Variants in ASB3 observed in about 807,000 individuals in gnomAD.
ASB3 encodes the protein ankyrin repeat and SOCS box containing 3, also known as ankyrin repeat and SOCS box protein 3.
A neutral mutation model predicts 54.5 loss-of-function variants in ASB3; 41 were observed. The ratio of observed to expected loss-of-function variants is 0.75; its 90% confidence interval spans 0.59 to 0.98. The LOEUF is 0.98. Ranked by LOEUF, ASB3 falls within the 50% of genes least tolerant of loss-of-function variation. The pLI, the probability that ASB3 is intolerant of heterozygous loss-of-function variation, is 0.00. For missense variants in ASB3, 733 were observed against 620.0 expected, an observed-to-expected ratio of 1.18 and a Z score of -1.94; for synonymous variants, 266 against 221.2, an observed-to-expected ratio of 1.20 and a Z score of -1.80.
rs541601260 is a variant in ASB3 at position 53,785,891 on chromosome 2, A to T, written c.-14+930T>A. ...CCCAGGAGTCTGGATCACATTAAGC[A>T]TTAATAAGAAGTGCTGAATATAATT... On this transcript the variant is annotated intron_variant, in intron 1 of 9. Transcript: ENST00000263634. 4.8e-4 allele frequency among the ~76,000 whole-genome samples: 73 copies of T among 152,372 alleles called. 1 individual carries two copies. The highest frequency in any genetic ancestry group is 1.6e-3 in the African/African-American group (66 of 41,590).
chr2:53,732,366 T>G (rs1245416723), intron 3 of ASB3, among the ~76,000 whole-genome samples: 2 of 152,084 alleles, frequency 1.3e-5, no homozygotes, highest in African/African-American at 4.8e-5. Flanking sequence ...TAGTAATAAT[T>G]TTGGGTGGAG....
At chr2:53,727,541 G>A (rs750296648) in intron 5 of ASB3, among the ~76,000 whole-genome samples, 3 of 152,064 alleles carry the variant, frequency 2.0e-5, no homozygotes, top group Admixed American at 1.3e-4. Context: ...TAGGCTAAAG[G>A]GGCAAAATCG....
rs909622020 is a variant in ASB3, at chr2:53,714,469, A to C, written c.895T>G (p.Leu299Val). Residue 299 changes from leucine (L) to valine (V), a missense_variant, in exon 7 of 10, where the codon TTA (leucine) becomes GTA (valine). Coordinates refer to ENST00000263634, the MANE Select transcript of ASB3 (RefSeq NM_016115.5). ...TCTGGGCTGTAGCCATTCCGGAGTA[A>C]TATTTCTAGGCAATCTTCATGTCCC... ...FGGHEDCLEI[L>V]LRNGYSPDAQ... The C allele has an allele frequency of 1.2e-6, 2 of 1,614,246 alleles. No individual in the cohort carries two copies. The highest frequency in any genetic ancestry group is 4.5e-5 in the East Asian group (2 of 44,890).
intron 9 of ASB3, among the ~76,000 whole-genome samples, chr2:53,682,645 T>C (rs1369406672): frequency 6.6e-6 from 1 of 151,892 alleles, no homozygotes; most frequent in Non-Finnish European, 1.5e-5. Flanking sequence ...CCCGGCTAAT[T>C]TTTGTATTTT....
At chr2:53,774,186 A>T in intron 1 of ASB3, 1 of 1,612,782 alleles carries the variant, frequency 6.2e-7, no homozygotes, top group Non-Finnish European at 8.5e-7. Flanking sequence ...TAGGAAAGGA[A>T]GAAGAAGTAA....
At chr2:53,766,949 G>C (rs1167045219) in intron 1 of ASB3, among the ~76,000 whole-genome samples, 1 of 152,112 alleles carries the variant, frequency 6.6e-6, no homozygotes, top group Non-Finnish European at 1.5e-5. Context: ...TTCACACACA[G>C]AGACACAGCC....
chr2:53,773,239 C>T (rs1211606518), intron 1 of ASB3, among the ~76,000 whole-genome samples: 1 of 151,484 alleles, frequency 6.6e-6, no homozygotes, highest in Non-Finnish European at 1.5e-5. Flanking sequence ...GTGAAAGGCT[C>T]ATATTTTTCA....
chr2:53,761,022 A>G (rs1209091477), intron 2 of ASB3, among the ~76,000 whole-genome samples: 4 of 152,280 alleles, frequency 2.6e-5, no homozygotes, highest in South Asian at 4.1e-4. Context: ...CTATGCCCCA[A>G]TACAGCAGGA....
intron 3 of ASB3, 71 bp downstream of exon 3, chr2:53,750,712 A>C: frequency 7.2e-7 from 1 of 1,398,460 alleles, no homozygotes; most frequent in Non-Finnish European, 9.4e-7. Context: ...CTGAAGGAAA[A>C]ATTAAGCTTA....
intron 7 of ASB3, among the ~76,000 whole-genome samples, chr2:53,708,971 A>T (rs188043212): frequency 9.8e-5 from 15 of 152,316 alleles, no homozygotes; most frequent in Non-Finnish European, 1.5e-4. Context: ...AGCCTGGCAA[A>T]TGGTAGAAAA....
rs1667747796 is a variant in ASB3 at position 53,670,318 on chromosome 2, T to TAC, written c.*183_*184dup. 1 of 273,186 alleles carries TAC rather than the reference T, an allele frequency of 3.7e-6. No homozygotes were observed. The highest frequency in any genetic ancestry group is 6.5e-6 in the Non-Finnish European group (1 of 153,544). The allele number at this position is 273,186 out of a possible 1,614,324, so 16.9% of individuals were successfully genotyped here. A position where few individuals can be genotyped will look rare whatever the true frequency, so the allele number is the denominator to read the frequency against. On this transcript the variant is annotated 3_prime_UTR_variant, in exon 10 of 10. Coordinates refer to ENST00000263634, the MANE Select transcript of ASB3 (RefSeq NM_016115.5). ...TTTTTTTTTTTTTTTTTTTTTTTTT[T>TAC]ACTGGGAAGGCTAGTTGTAAACATA...
intron 9 of ASB3, among the ~76,000 whole-genome samples, chr2:53,692,748 T>C (rs563367187): frequency 3.3e-5 from 5 of 152,316 alleles, no homozygotes; most frequent in African/African-American, 1.2e-4. Flanking sequence ...CTCAAATCCA[T>C]TGTTCCATAG....
At chr2:53,774,355 G>C (rs1486303251) in intron 1 of ASB3, 2 of 1,613,084 alleles carry the variant, frequency 1.2e-6, no homozygotes, top group African/African-American at 2.7e-5. Context: ...AGACATTGCT[G>C]AACAAATTTT....
intron 3 of ASB3, 145 bp downstream of exon 3, chr2:53,750,638 G>A (rs1672463858): frequency 4.4e-6 from 4 of 919,244 alleles, no homozygotes; most frequent in South Asian, 8.7e-5. Context: ...TATCTTTTCA[G>A]TTTCAAAAAT....
intron 5 of ASB3, among the ~76,000 whole-genome samples, chr2:53,728,025 C>G (rs1671104572): frequency 6.6e-6 from 1 of 151,268 alleles, no homozygotes; most frequent in Non-Finnish European, 1.5e-5. Flanking sequence ...CGTGCCTGGC[C>G]AAAAAAAGCC....
intron 1 of ASB3, among the ~76,000 whole-genome samples, chr2:53,769,781 G>T (rs954325901): frequency 6.6e-6 from 1 of 152,204 alleles, no homozygotes; most frequent in Non-Finnish European, 1.5e-5. Context: ...GGCAGACGTT[G>T]CGGTGAGCTG....
intron 9 of ASB3, among the ~76,000 whole-genome samples, chr2:53,685,205 A>C (rs141135777): frequency 6.6e-6 from 1 of 152,326 alleles, no homozygotes; most frequent in Non-Finnish European, 1.5e-5. Flanking sequence ...TTTTCAGAAT[A>C]ATAGAGGCTG....
At chr2:53,716,058 T>A (rs1295258935) in intron 6 of ASB3, among the ~76,000 whole-genome samples, 2 of 152,134 alleles carry the variant, frequency 1.3e-5, no homozygotes, top group African/African-American at 4.8e-5. Flanking sequence ...ACCAAGTTAC[T>A]AGCTTCTAAG....
At chr2:53,690,337 C>T (rs1177795542) in intron 9 of ASB3, among the ~76,000 whole-genome samples, 1 of 152,134 alleles carries the variant, frequency 6.6e-6, no homozygotes, top group Non-Finnish European at 1.5e-5. Flanking sequence ...CACAGGCCAT[C>T]CATTTACAGA....
Sources: gnomAD v4.1 joint callset for allele counts (sites outside exome capture counted in the v4.1 genomes callset) on GRCh38, gnomAD v4.1.1 for gene constraint, MANE v1.5 for transcripts, NCBI Gene and HGNC (gene_info 2026-07-23, HGNC 2026-07-21) for gene names.